The following KCND3 variants were observed in gnomAD, a reference collection of about 807,000 sequenced individuals.
KCND3 encodes the protein potassium voltage-gated channel subfamily D member 3.
A neutral mutation model predicts 51.1 loss-of-function variants in KCND3; 9 were observed. The observed-to-expected ratio is 0.18, with a 90% CI of 0.11 to 0.31. The LOEUF is 0.31. Among genes scored for constraint, KCND3 ranks in the 10% least tolerant of loss-of-function variants. The pLI is 1.00. For missense variants in KCND3, 526 were observed against 903.8 expected, an observed-to-expected ratio of 0.58 and a Z score of 5.36; for synonymous variants, 349 against 368.0, an observed-to-expected ratio of 0.95 and a Z score of 0.59.
intron 2 of KCND3, among the ~76,000 whole-genome samples, chr1:111,901,143 A>G (rs571084610): frequency 6.6e-6 from 1 of 152,356 alleles, no homozygotes; most frequent in East Asian, 1.9e-4. Flanking sequence ...TCATTCAGTC[A>G]GATTGGTTCC....
chr1:111,824,782 C>G (rs1398429095), intron 2 of KCND3, among the ~76,000 whole-genome samples: 1 of 152,180 alleles, frequency 6.6e-6, no homozygotes, highest in Non-Finnish European at 1.5e-5. Context: ...TGTTTTCCAA[C>G]CCCTCTTCCT....
chr1:111,922,924 G>A (rs1222152354), intron 2 of KCND3, among the ~76,000 whole-genome samples: 1 of 152,148 alleles, frequency 6.6e-6, no homozygotes, highest in African/African-American at 2.4e-5. Context: ...TTTTGATAAT[G>A]GCCCTGCCTT....
chr1:111,813,170 T>C (rs979608613), intron 2 of KCND3, among the ~76,000 whole-genome samples: 2 of 152,114 alleles, frequency 1.3e-5, no homozygotes, highest in Admixed American at 6.5e-5. Flanking sequence ...GAAGGGGTCA[T>C]AGTGAGGTCA....
At chr1:111,929,000 G>A (rs1035858397) in intron 2 of KCND3, among the ~76,000 whole-genome samples, 1 of 152,222 alleles carries the variant, frequency 6.6e-6, no homozygotes, top group African/African-American at 2.4e-5. Context: ...AAACGGCTCT[G>A]GCAGCTGCAT....
intron 2 of KCND3, among the ~76,000 whole-genome samples, chr1:111,827,946 G>A (rs1470325441): frequency 4.6e-5 from 7 of 152,154 alleles, no homozygotes; most frequent in African/African-American, 1.7e-4. Context: ...GAGGCCCCTG[G>A]TCTCACTCTG....
At chr1:111,974,138 GT>G (rs1674495442) in intron 2 of KCND3, among the ~76,000 whole-genome samples, 1 of 152,164 alleles carries the variant, frequency 6.6e-6, no homozygotes, top group East Asian at 1.9e-4. Context: ...TTGGAGGGAG[GT>G]AAGAGTGGGG....
intron 2 of KCND3, among the ~76,000 whole-genome samples, chr1:111,901,639 G>A (rs963737309): frequency 3.2e-4 from 49 of 152,190 alleles, no homozygotes; most frequent in African/African-American, 1.2e-3. Flanking sequence ...AGCCCAGAGC[G>A]CCACCTCTGT....
intron 2 of KCND3, among the ~76,000 whole-genome samples, chr1:111,815,347 A>G (rs1329371813): frequency 6.6e-6 from 1 of 151,880 alleles, no homozygotes; most frequent in Non-Finnish European, 1.5e-5. Context: ...TTCATGTGAC[A>G]GAGTCTCTCC....
chr1:111,846,896 G>A (rs568250202), intron 2 of KCND3, among the ~76,000 whole-genome samples: 100 of 152,276 alleles, frequency 6.6e-4, no homozygotes, highest in Non-Finnish European at 1.2e-3. Flanking sequence ...AGGTTTGAAC[G>A]CAGGCCTCTA....
At chr1:111,947,197 T>C (rs980525382) in intron 2 of KCND3, among the ~76,000 whole-genome samples, 1 of 152,226 alleles carries the variant, frequency 6.6e-6, no homozygotes, top group African/African-American at 2.4e-5. Flanking sequence ...CAGAAGGTAA[T>C]TAGGCTATAT....
At chr1:111,857,145 G>A (rs1422020346) in intron 2 of KCND3, among the ~76,000 whole-genome samples, 1 of 152,130 alleles carries the variant, frequency 6.6e-6, no homozygotes, top group African/African-American at 2.4e-5. Context: ...TCTGTAAAAC[G>A]CCTTGCAGTT....
chr1:111,909,407 C>T (rs774234723), intron 2 of KCND3: 6 of 152,114 alleles, frequency 3.9e-5, no homozygotes, highest in Admixed American at 6.5e-5. Context: ...GCCAAGGGAT[C>T]GAGAGTCAGA....
At chr1:111,986,161 A>G (rs1256687800) in intron 1 of KCND3, among the ~76,000 whole-genome samples, 8 of 152,182 alleles carry the variant, frequency 5.3e-5, no homozygotes, top group Admixed American at 5.2e-4. Context: ...CACAAGTTCA[A>G]CTCTGTTCCA....
At chr1:111,949,850 C>T (rs993171060) in intron 2 of KCND3, among the ~76,000 whole-genome samples, 5 of 152,096 alleles carry the variant, frequency 3.3e-5, no homozygotes, top group South Asian at 2.1e-4. Flanking sequence ...ATATATTTTA[C>T]ATCACACACA....
At position 111,934,675 on chromosome 1, in the gene KCND3, G is replaced by A. The variant is rs117953677; in HGVS notation, c.1106+46946C>T. On this transcript the variant is annotated intron_variant, in intron 2 of 7. Transcript: ENST00000302127. The stretch of plus-strand genomic sequence containing the variant: ...TTGGTATGTTTGTGCATGTGTGTGC[G>A]TACTCTGAATCTGGGTGTGGACAGT... 7.5e-3 allele frequency among the ~76,000 whole-genome samples: 1,145 copies of A among 152,284 alleles called. 15 individuals are homozygous for A. The highest frequency in any genetic ancestry group is 0.037 in the Admixed American group (565 of 15,300).
chr1:111,856,705 T>C (rs1004938058), intron 2 of KCND3: 12 of 152,352 alleles, frequency 7.9e-5, no homozygotes, highest in African/African-American at 2.2e-4. Flanking sequence ...AGCTTACTTA[T>C]GAGCACTGGT....
chr1:111,846,819 G>A (rs919449441), intron 2 of KCND3, among the ~76,000 whole-genome samples: 24 of 152,162 alleles, frequency 1.6e-4, no homozygotes, highest in African/African-American at 5.3e-4. Flanking sequence ...TTGACAATGG[G>A]GGGAAACTGA....
At chr1:111,969,114 C>T (rs1485460075) in intron 2 of KCND3, among the ~76,000 whole-genome samples, 1 of 151,966 alleles carries the variant, frequency 6.6e-6, no homozygotes, top group African/African-American at 2.4e-5. Context: ...TGTGCTTCCC[C>T]TGCTGGTGAA....
chr1:111,984,543 G>T (rs1435610855), intron 1 of KCND3, among the ~76,000 whole-genome samples: 1 of 152,054 alleles, frequency 6.6e-6, no homozygotes, highest in Non-Finnish European at 1.5e-5. Context: ...ACCCCACCCG[G>T]TTTCTCCTAT....
Sources: allele counts gnomAD v4.1 joint callset (sites outside exome capture counted in the v4.1 genomes callset), GRCh38; gene constraint gnomAD v4.1.1; transcripts MANE v1.5; gene names NCBI Gene and HGNC (gene_info 2026-07-23, HGNC 2026-07-21).